The following ENTPD1 variants were observed in gnomAD, a reference collection of about 807,000 sequenced individuals.
ENTPD1 encodes ATP diphosphohydrolase.
Under a neutral mutation model 57.0 loss-of-function variants are expected in ENTPD1, and 33 were observed. The ratio of observed to expected loss-of-function variants is 0.58; its 90% CI spans 0.44 to 0.77. The LOEUF (loss-of-function observed/expected upper bound fraction) is 0.77, where lower values mean the gene tolerates loss of function less well. Ranked by LOEUF, ENTPD1 falls within the 30% of genes least tolerant of loss-of-function variation. The pLI, the probability that ENTPD1 is intolerant of heterozygous loss-of-function variation, is 0.00. For synonymous variants in ENTPD1, 202 were observed against 218.8 expected, an observed-to-expected ratio of 0.92 and a Z score of 0.68; for missense variants, 501 against 603.4, an observed-to-expected ratio of 0.83 and a Z score of 1.78.
intron 8 of ENTPD1, among the ~76,000 whole-genome samples, chr10:95,862,616 G>A (rs1311158379): frequency 2.0e-5 from 3 of 152,174 alleles, no homozygotes; most frequent in Non-Finnish European, 4.4e-5. Context: ...CTGAAGTGGA[G>A]GGACCAGGAG....
chr10:95,763,411 A>G (rs1033285688), intron 1 of ENTPD1, among the ~76,000 whole-genome samples: 33 of 152,260 alleles, frequency 2.2e-4, no homozygotes, highest in African/African-American at 7.5e-4. Context: ...CATTTTTTCC[A>G]TGATGGTTAG....
intron 1 of ENTPD1, among the ~76,000 whole-genome samples, chr10:95,747,766 A>C (rs1462711583): frequency 6.6e-6 from 1 of 152,198 alleles, no homozygotes; most frequent in Non-Finnish European, 1.5e-5. Context: ...ATTATTACAC[A>C]ACAGACAAAT....
At position 95,866,920 on chromosome 10, in the gene ENTPD1, T is replaced by C; in HGVS notation, c.*537T>C. ...GAGAATTTTCTACAGTAGGCAAATA[T>C]GTGCTAAAGCCAAAGAGTTTTATAA... On this transcript the variant is annotated 3_prime_UTR_variant, in exon 10 of 10. Coordinates refer to ENST00000371205, the MANE Select transcript of ENTPD1 (RefSeq NM_001776.6). The C allele has an allele frequency of 9.8e-7, 1 of 1,018,878 alleles. No homozygotes were observed. Among genetic ancestry groups the C allele is most frequent in the Non-Finnish European group, 1.2e-6 (1 of 849,328 alleles). The allele number at this position is 1,018,878 out of a possible 1,614,324, so 63.1% of individuals were successfully genotyped here. A position where few individuals can be genotyped will look rare whatever the true frequency, so the allele number is the denominator to read the frequency against.
intron 7 of ENTPD1, among the ~76,000 whole-genome samples, chr10:95,854,128 C>A (rs2098450259): frequency 6.6e-6 from 1 of 152,160 alleles, no homozygotes. Context: ...TTGGTCTATT[C>A]AGAGATTCAA....
intron 1 of ENTPD1, chr10:95,785,015 C>A (rs1429519071): frequency 6.6e-6 from 1 of 152,138 alleles, no homozygotes; most frequent in Admixed American, 6.5e-5. Flanking sequence ...AGCTGCATAT[C>A]AGAGACTCAC....
intron 7 of ENTPD1, among the ~76,000 whole-genome samples, chr10:95,854,864 A>G (rs2098451735): frequency 6.6e-6 from 1 of 152,108 alleles, no homozygotes; most frequent in South Asian, 2.1e-4. Flanking sequence ...TATGTGGTCA[A>G]TTTTGGAATA....
intron 1 of ENTPD1, among the ~76,000 whole-genome samples, chr10:95,713,167 G>A (rs1217721011): frequency 1.3e-5 from 2 of 152,026 alleles, no homozygotes; most frequent in Non-Finnish European, 2.9e-5. Flanking sequence ...TGTTTATATA[G>A]TAAAAACTTA....
intron 2 of ENTPD1, among the ~76,000 whole-genome samples, chr10:95,827,477 T>C (rs1201285565): frequency 6.6e-6 from 1 of 151,892 alleles, no homozygotes; most frequent in Non-Finnish European, 1.5e-5. Context: ...ATTTCGTTTT[T>C]GTTTTGTTTT....
intron 1 of ENTPD1, among the ~76,000 whole-genome samples, chr10:95,718,571 C>T (rs1274892502): frequency 6.6e-6 from 1 of 152,136 alleles, no homozygotes; most frequent in East Asian, 1.9e-4. Flanking sequence ...AATTTCCTTT[C>T]TCTCCATATT....
intron 1 of ENTPD1, among the ~76,000 whole-genome samples, chr10:95,781,058 T>C (rs1429807972): frequency 6.6e-6 from 1 of 152,216 alleles, no homozygotes; most frequent in Non-Finnish European, 1.5e-5. Flanking sequence ...ATATACACAA[T>C]GGACTGCTAT....
At chr10:95,801,161 C>T (rs2098248042) in intron 1 of ENTPD1, among the ~76,000 whole-genome samples, 1 of 152,060 alleles carries the variant, frequency 6.6e-6, no homozygotes, top group African/African-American at 2.4e-5. Flanking sequence ...GTTTGGGGTC[C>T]CTGACTTCCT....
chr10:95,825,540 T>C (rs550436598), intron 2 of ENTPD1, among the ~76,000 whole-genome samples: 2 of 149,238 alleles, frequency 1.3e-5, no homozygotes, highest in South Asian at 4.2e-4. Context: ...ACATGTTTTT[T>C]GTTTGTTTGT....
upstream of ENTPD1, chr10:95,754,499 T>G (rs991844915): frequency 6.6e-6 from 1 of 152,194 alleles, no homozygotes; most frequent in Admixed American, 6.5e-5. Context: ...TTTGATGTTT[T>G]GGTTTCCATT....
intron 1 of ENTPD1, among the ~76,000 whole-genome samples, chr10:95,743,394 A>G (rs117485535): frequency 0.011 from 1,737 of 152,286 alleles, 18 homozygotes; most frequent in Non-Finnish European, 0.014. Flanking sequence ...TTTCCACTGT[A>G]AAGTCACTCT....
At position 95,868,825 on chromosome 10, in the gene ENTPD1, G is replaced by A; in HGVS notation, c.*2442G>A. Reference sequence around the variant, plus strand: ...TCTTTTCTTATTCCATTCCTGTTTGGTTGCCTACGTCCAATCTCCCCCTCC... The same window carrying A: ...TCTTTTCTTATTCCATTCCTGTTTGATTGCCTACGTCCAATCTCCCCCTCC... On this transcript the variant is annotated 3_prime_UTR_variant, in exon 10 of 10. Transcript: ENST00000371205. The A allele has an allele frequency of 4.1e-6, 4 of 984,996 alleles. No individual in the cohort carries two copies. The highest frequency in any genetic ancestry group is 4.8e-6 in the Non-Finnish European group (4 of 829,862). The allele number at this position is 984,996 out of a possible 1,614,324, so 61.0% of individuals were successfully genotyped here. A position where few individuals can be genotyped will look rare whatever the true frequency, so the allele number is the denominator to read the frequency against.
At position 95,828,105 on chromosome 10, in the gene ENTPD1, G is replaced by A. The variant is rs193073006; in HGVS notation, c.144+4741G>A. On this transcript the variant is annotated intron_variant, in intron 2 of 9. Coordinates refer to ENST00000371205, the MANE Select transcript of ENTPD1 (RefSeq NM_001776.6). ...GCCATGGACCAGTACAGCAGGAGGT[G>A]AGGAACACGCGAGCGAGCAAAGCTT... 1.1e-3 allele frequency among the ~76,000 whole-genome samples: 164 copies of A among 152,282 alleles called. 2 individuals are homozygous for A. In the East Asian group the frequency reaches 0.027, roughly 25 times the overall value.
rs1179961192 is a variant in ENTPD1, at chr10:95,868,856, G to C, written c.*2473G>C. On this transcript the variant is annotated 3_prime_UTR_variant, in exon 10 of 10. Transcript: ENST00000371205. The stretch of plus-strand genomic sequence containing the variant: ...TACGTCCAATCTCCCCCTCCCCAGA[G>C]ATGCCAAAAAAAAAATCCTTTAAGG... The C allele has an allele frequency of 2.0e-6, 2 of 984,458 alleles. No individual in the cohort carries two copies. The highest frequency in any genetic ancestry group is 2.3e-4 in the East Asian group (2 of 8,804). 61.0% of individuals were successfully genotyped at this position (984,458 alleles called of 1,614,324 possible).
At chr10:95,808,426 A>G (rs779600721) in intron 1 of ENTPD1, among the ~76,000 whole-genome samples, 13 of 152,214 alleles carry the variant, frequency 8.5e-5, no homozygotes, top group Middle Eastern at 3.2e-3. Context: ...GATGATGCTC[A>G]TATGCCTCGT....
intron 1 of ENTPD1, among the ~76,000 whole-genome samples, chr10:95,729,267 A>G (rs2097986898): frequency 6.6e-6 from 1 of 152,212 alleles, no homozygotes. Flanking sequence ...GAAACACAGT[A>G]TGAAGCATGA....
Sources: allele counts gnomAD v4.1 joint callset (sites outside exome capture counted in the v4.1 genomes callset), GRCh38; gene constraint gnomAD v4.1.1; transcripts MANE v1.5; gene names NCBI Gene and HGNC (gene_info 2026-07-23, HGNC 2026-07-21).